The following PDE1A variants were observed in gnomAD, a reference collection of about 807,000 sequenced individuals.
PDE1A encodes the protein phosphodiesterase 1A, also known as dual specificity calcium/calmodulin-dependent 3',5'-cyclic nucleotide phosphodiesterase 1A.
In PDE1A, 35 loss-of-function variants were observed where a neutral mutation model predicts 61.7. The observed-to-expected ratio is 0.57, with a 90% confidence interval of 0.43 to 0.75. PDE1A has a LOEUF of 0.75. Ranked by LOEUF, PDE1A falls within the 30% of genes least tolerant of loss-of-function variation. The probability of loss-of-function intolerance (pLI) is 0.00; values close to 1 mark genes in which losing one functional copy is unlikely to be tolerated. For missense variants in PDE1A, 597 were observed against 630.6 expected, an observed-to-expected ratio of 0.95 and a Z score of 0.57; for synonymous variants, 232 against 213.2, an observed-to-expected ratio of 1.09 and a Z score of -0.77.
At chr2:182,646,952 C>A in the PDE1A span, among the ~76,000 whole-genome samples, 1 of 152,180 alleles carries the variant, frequency 6.6e-6, no homozygotes, top group Admixed American at 6.5e-5. Flanking sequence ...GGAGACAAAG[C>A]AGATGTGGCC....
chr2:182,484,929 A>T (rs1389300013), intron 2 of PDE1A, among the ~76,000 whole-genome samples: 3 of 152,126 alleles, frequency 2.0e-5, no homozygotes, highest in African/African-American at 7.2e-5. Flanking sequence ...AATGTAAATT[A>T]GTTCAACCAA....
At chr2:182,343,256 T>C (rs957717905) in intron 1 of PDE1A, among the ~76,000 whole-genome samples, 1 of 152,192 alleles carries the variant, frequency 6.6e-6, no homozygotes, top group Non-Finnish European at 1.5e-5. Flanking sequence ...TTGGTGGAAA[T>C]TTAACATTAA....
exon 14 of PDE1A, chr2:182,147,074 C>A: frequency 6.3e-7 from 1 of 1,586,092 alleles, no homozygotes; most frequent in Admixed American, 1.7e-5. Context: ...TAAGGTGTTT[C>A]GGGCCTATGA....
the PDE1A span, among the ~76,000 whole-genome samples, chr2:182,693,637 C>CTTTTTTTTTTTTTTTT: frequency 3.2e-5 from 4 of 123,426 alleles, no homozygotes; most frequent in African/African-American, 6.0e-5. Context: ...TGATAGTGTT[C>CTTTTTTTTTTTTTTTT]TTTTTTTTTT....
At chr2:182,667,750 C>A in the PDE1A span, among the ~76,000 whole-genome samples, 2 of 150,944 alleles carry the variant, frequency 1.3e-5, no homozygotes, top group African/African-American at 5.0e-5. Flanking sequence ...ATTAGAATTG[C>A]TATATCTGGA....
intron 2 of PDE1A, among the ~76,000 whole-genome samples, chr2:182,443,535 C>T (rs1684928188): frequency 6.6e-6 from 1 of 151,830 alleles, no homozygotes; most frequent in African/African-American, 2.4e-5. Flanking sequence ...AAGTGTGTGA[C>T]ACTTCCTCCT....
At chr2:182,247,421 G>A (rs968028088) in intron 2 of PDE1A, among the ~76,000 whole-genome samples, 2 of 152,156 alleles carry the variant, frequency 1.3e-5, no homozygotes, top group Non-Finnish European at 2.9e-5. Flanking sequence ...TTCCAGTTTG[G>A]AGAGAAGAAA....
At chr2:182,583,075 C>T in the PDE1A span, among the ~76,000 whole-genome samples, 2 of 152,066 alleles carry the variant, frequency 1.3e-5, no homozygotes, top group African/African-American at 4.8e-5. Flanking sequence ...AAGATAAATC[C>T]AGGAGAACAA....
intron 10 of PDE1A, among the ~76,000 whole-genome samples, chr2:182,197,284 T>C (rs1686211523): frequency 6.6e-6 from 1 of 151,854 alleles, no homozygotes; most frequent in South Asian, 2.1e-4. Context: ...TTGTTGGAGT[T>C]CTATATGCAA....
chr2:182,464,892 A>G (rs1686551253), intron 2 of PDE1A, among the ~76,000 whole-genome samples: 1 of 152,176 alleles, frequency 6.6e-6, no homozygotes, highest in African/African-American at 2.4e-5. Context: ...TCATCGCTGT[A>G]TGCCTCACGC....
At chr2:182,463,048 C>G (rs1686410950) in intron 2 of PDE1A, among the ~76,000 whole-genome samples, 1 of 152,058 alleles carries the variant, frequency 6.6e-6, no homozygotes, top group Admixed American at 6.6e-5. Flanking sequence ...CGAGACCAGC[C>G]TGGCCAACGG....
At chr2:182,283,129 C>T (rs959813656) in intron 1 of PDE1A, among the ~76,000 whole-genome samples, 3 of 151,980 alleles carry the variant, frequency 2.0e-5, no homozygotes, top group Admixed American at 2.0e-4. Flanking sequence ...TATAAACTGT[C>T]AACTCAATGT....
At chr2:182,527,827 A>G (rs1690800489), upstream of PDE1A, among the ~76,000 whole-genome samples, 1 of 151,984 alleles carries the variant, frequency 6.6e-6, no homozygotes, top group Non-Finnish European at 1.5e-5. Context: ...TGTAGTGAAT[A>G]AGTCTCATGA....
chr2:182,626,802 CAT>C, the PDE1A span, among the ~76,000 whole-genome samples: 112 of 5,362 alleles, frequency 0.021, 2 homozygotes, highest in East Asian at 0.14. Flanking sequence ...CATATATATA[CAT>C]ATATATATAC....
chr2:182,528,493 A>T, the PDE1A span, among the ~76,000 whole-genome samples: 1 of 152,326 alleles, frequency 6.6e-6, no homozygotes, highest in African/African-American at 2.4e-5. Flanking sequence ...AAAAGTTTGG[A>T]ATATTTGCAG....
chr2:182,347,137 T>A (rs377568238), intron 1 of PDE1A, among the ~76,000 whole-genome samples: 2 of 143,418 alleles, frequency 1.4e-5, no homozygotes, highest in Non-Finnish European at 1.5e-5. Flanking sequence ...GTTTTTTTTT[T>A]CCCTCTGGCC....
At chr2:182,268,233 C>T (rs1246028096) in intron 1 of PDE1A, among the ~76,000 whole-genome samples, 1 of 151,808 alleles carries the variant, frequency 6.6e-6, no homozygotes, top group Non-Finnish European at 1.5e-5. Flanking sequence ...TGTTTGGTAG[C>T]AAACCAAGTT....
chr2:182,549,939 C>A, the PDE1A span, among the ~76,000 whole-genome samples: 1 of 152,066 alleles, frequency 6.6e-6, no homozygotes, highest in Non-Finnish European at 1.5e-5. Context: ...TAGCTATTAT[C>A]TTTATGTCTT....
the PDE1A span, among the ~76,000 whole-genome samples, chr2:182,591,347 G>T: frequency 3.3e-5 from 5 of 152,122 alleles, no homozygotes; most frequent in African/African-American, 1.2e-4. Context: ...CCAGTTATCT[G>T]ACCTCTTGGG....
Sources: allele counts gnomAD v4.1 joint callset (sites outside exome capture counted in the v4.1 genomes callset), GRCh38; gene constraint gnomAD v4.1.1; transcripts MANE v1.5; gene names NCBI Gene and HGNC (gene_info 2026-07-23, HGNC 2026-07-21).